Variants in TNIK observed in about 807,000 individuals in gnomAD.
The protein encoded by TNIK is TRAF2 and NCK-interacting protein kinase.
In TNIK, 49 loss-of-function variants were observed where a neutral mutation model predicts 191.3. The observed-to-expected ratio is 0.26, with a 90% confidence interval of 0.20 to 0.32. TNIK has a LOEUF of 0.32. TNIK is among the 10% of genes least tolerant of loss of function. The pLI, the probability that TNIK is intolerant of heterozygous loss-of-function variation, is 1.00. For missense variants in TNIK, 1,155 were observed against 1,702.3 expected (o/e 0.68, Z 5.66); for synonymous variants, 594 against 600.9 (o/e 0.99, Z 0.17).
At chr3:171,221,668 A>G (rs1742358811) in intron 3 of TNIK, among the ~76,000 whole-genome samples, 1 of 152,158 alleles carries the variant, frequency 6.6e-6, no homozygotes, top group Non-Finnish European at 1.5e-5. Context: ...AAGTAAATGA[A>G]TGAATGAAAT....
chr3:171,064,043 T>C (rs1718114275), intron 32 of TNIK, 79 bp from the exon 33 acceptor site: 2 of 1,348,810 alleles, frequency 1.5e-6, no homozygotes, highest in South Asian at 2.5e-5. Flanking sequence ...CCATTTTCTC[T>C]CACATGTCCT....
At chr3:171,386,951 A>C (rs1328196034) in intron 1 of TNIK, among the ~76,000 whole-genome samples, 1 of 152,196 alleles carries the variant, frequency 6.6e-6, no homozygotes, top group Non-Finnish European at 1.5e-5. Flanking sequence ...TCAGCAATAT[A>C]AAATGTCCCT....
At chr3:171,198,295 G>C (rs1738970590) in intron 4 of TNIK, among the ~76,000 whole-genome samples, 1 of 151,010 alleles carries the variant, frequency 6.6e-6, no homozygotes, top group Non-Finnish European at 1.5e-5. Flanking sequence ...GACAAAAAAG[G>C]CCATATATTG....
intron 2 of TNIK, among the ~76,000 whole-genome samples, chr3:171,342,901 T>C (rs1711524270): frequency 6.6e-6 from 1 of 152,078 alleles, no homozygotes; most frequent in Non-Finnish European, 1.5e-5. Context: ...TAATAGTGAG[T>C]AAGTCTCATG....
At chr3:171,167,071 C>A in intron 10 of TNIK, 24 bp downstream of exon 10, 1 of 1,601,244 alleles carries the variant, frequency 6.2e-7, no homozygotes, top group Non-Finnish European at 8.5e-7. Flanking sequence ...GTTTCTGCTG[C>A]TGAAATACAA....
rs201257015 is a variant in TNIK, at chr3:171,201,812, C to CTATCTATCTATA, written c.307-7178_307-7177insTATAGATAGATA. On this transcript the variant is annotated intron_variant, in intron 4 of 32. Transcript: ENST00000436636. ...AAACTAGCATGTACTATCTATCTATCTATATATAAACTCTTGGCTTCTGAA... is the reference window on the plus strand; with the variant it reads ...AAACTAGCATGTACTATCTATCTATCTATCTATCTATATATATATAAACTCTTGGCTTCTGAA... 5.2e-3 allele frequency among the ~76,000 whole-genome samples: 794 copies of CTATCTATCTATA among 152,220 alleles called. 6 individuals carry two copies. Among genetic ancestry groups the CTATCTATCTATA allele is most frequent in the Admixed American group, 0.012 (191 of 15,290 alleles).
chr3:171,182,342 G>A (rs911753820), intron 7 of TNIK, among the ~76,000 whole-genome samples: 2 of 151,944 alleles, frequency 1.3e-5, no homozygotes, highest in South Asian at 2.1e-4. Context: ...ATACATTAGC[G>A]AGTCCCAAAG....
Position 171,364,323 on chromosome 3 carries a change from G to C in TNIK, c.123+5297C>G, listed in dbSNP as rs542351192. Among the ~76,000 whole-genome samples the C allele has an allele frequency of 2.6e-4, 40 of 151,138 alleles. 1 individual carries two copies. The highest frequency in any genetic ancestry group is 1.7e-3 in the South Asian group (8 of 4,774). On this transcript the variant is annotated intron_variant, in intron 2 of 32. Transcript: ENST00000436636. The stretch of plus-strand genomic sequence containing the variant: ...CATAGTCTTGCTTCTGCAGACTACT[G>C]GTAATTCATTAAACATAAGATCCAC...
At chr3:171,115,581 GGAACAGTCGGA>G (rs1482155673) in intron 18 of TNIK, among the ~76,000 whole-genome samples, 1 of 152,126 alleles carries the variant, frequency 6.6e-6, no homozygotes, top group Non-Finnish European at 1.5e-5. Flanking sequence ...GGAAGGCTGG[GGAACAGTCGGA>G]GCAGACATAG....
At chr3:171,185,957 A>G (rs1478716635) in intron 7 of TNIK, among the ~76,000 whole-genome samples, 2 of 152,238 alleles carry the variant, frequency 1.3e-5, no homozygotes, top group Non-Finnish European at 2.9e-5. Flanking sequence ...ATGAGGGCCC[A>G]AAGTGTTGAC....
chr3:171,452,076 C>T (rs770846256), intron 1 of TNIK, among the ~76,000 whole-genome samples: 6 of 152,198 alleles, frequency 3.9e-5, no homozygotes, highest in Non-Finnish European at 7.3e-5. Flanking sequence ...TCTAGGGTTA[C>T]TTCAGAGTCT....
intron 2 of TNIK, among the ~76,000 whole-genome samples, chr3:171,284,349 T>G (rs1750789983): frequency 6.6e-6 from 1 of 152,186 alleles, no homozygotes; most frequent in Non-Finnish European, 1.5e-5. Context: ...TTAGTAGTTC[T>G]TTGTGAAAAA....
intron 1 of TNIK, among the ~76,000 whole-genome samples, chr3:171,396,856 T>A (rs1343091636): frequency 6.6e-6 from 1 of 152,220 alleles, no homozygotes; most frequent in Admixed American, 6.5e-5. Flanking sequence ...CTACTGTGTC[T>A]GTGTTGACAA....
chr3:171,352,798 A>G (rs1713417630), intron 2 of TNIK, among the ~76,000 whole-genome samples: 1 of 152,160 alleles, frequency 6.6e-6, no homozygotes, highest in Non-Finnish European at 1.5e-5. Context: ...TGCTTGGTAA[A>G]CGCCTCCTTC....
intron 10 of TNIK, 61 bp from the exon 11 acceptor site, chr3:171,161,397 CCCCGTCTCTTATATATAAATAAATAGACA>C: frequency 6.7e-7 from 1 of 1,482,138 alleles, no homozygotes; most frequent in Non-Finnish European, 9.3e-7. Context: ...TAAAGCCCAA[CCCCGTCTCTTATATATAAATAAATAGACA>C]CCCAAAGAGT....
In TNIK at chr3:171,410,696, A is replaced by G. The variant is rs1197527864; in HGVS notation, c.58-41011T>C. Among the ~76,000 whole-genome samples, 8 of 144,742 alleles carry G rather than the reference A, an allele frequency of 5.5e-5. No homozygotes were observed. The East Asian group carries it at 1.7e-3, about 30-fold the overall frequency. 95.0% of individuals were successfully genotyped at this position (144,742 alleles called of 152,430 possible). ...CGGGAGGCTGAGGCAGGAGAATGGC[A>G]TGAACCCGGGAGGTGGAGCTTGCAG... On this transcript the variant is annotated intron_variant, in intron 1 of 32. Coordinates refer to ENST00000436636, the MANE Select transcript of TNIK (RefSeq NM_015028.4).
intron 10 of TNIK, among the ~76,000 whole-genome samples, chr3:171,166,094 A>C (rs958168070): frequency 6.6e-5 from 10 of 152,214 alleles, no homozygotes; most frequent in Non-Finnish European, 7.3e-5. Context: ...GAGAGATACC[A>C]TACCGATGAT....
intron 2 of TNIK, chr3:171,347,348 T>A: frequency 1.1e-6 from 1 of 908,276 alleles, no homozygotes; most frequent in Non-Finnish European, 1.6e-6. Context: ...GGTATACAAG[T>A]CCTAAGTGCC....
chr3:171,136,471 C>T (rs1018761854), intron 15 of TNIK, among the ~76,000 whole-genome samples: 1 of 152,098 alleles, frequency 6.6e-6, no homozygotes, highest in African/African-American at 2.4e-5. Flanking sequence ...GTGAGAGTGC[C>T]TTGGAGATCT....
Sources: allele counts gnomAD v4.1 joint callset (sites outside exome capture counted in the v4.1 genomes callset), GRCh38; gene constraint gnomAD v4.1.1; transcripts MANE v1.5; gene names NCBI Gene and HGNC (gene_info 2026-07-23, HGNC 2026-07-21).